Variants in QRSL1 observed in about 807,000 individuals in gnomAD.
The protein encoded by QRSL1 is glutamyl-tRNA(Gln) amidotransferase subunit A, mitochondrial.
QRSL1 carries 54 observed loss-of-function variants against 61.6 expected under a neutral mutation model. That is an observed-to-expected ratio of 0.88 (90% CI 0.70 to 1.10). QRSL1 has a LOEUF of 1.10. QRSL1 is among the 50% of genes least tolerant of loss of function. The probability of loss-of-function intolerance (pLI) is 0.00; values close to 1 mark genes in which losing one functional copy is unlikely to be tolerated. For missense variants in QRSL1, 505 were observed against 622.6 expected (o/e 0.81, Z 2.01); for synonymous variants, 228 against 225.7 (o/e 1.01, Z -0.09).
In QRSL1 at chr6:106,663,202, A is replaced by C. The variant is rs1777385415; in HGVS notation, c.1366+17A>C. The C allele has an allele frequency of 6.2e-7, 1 of 1,609,078 alleles. No individual in the cohort carries two copies. The highest frequency in any genetic ancestry group is 1.3e-5 in the African/African-American group (1 of 74,842). ...ATATGGCAGGTGAGGATTCCTCAGG[A>C]ACATTCTGATTTTCTTCAAATTCTT... On this transcript the variant is annotated intron_variant, in intron 10 of 10. Transcript: ENST00000369046.
At chr6:106,657,363 C>T (rs1357178692) in intron 9 of QRSL1, among the ~76,000 whole-genome samples, 1 of 151,682 alleles carries the variant, frequency 6.6e-6, no homozygotes, top group Non-Finnish European at 1.5e-5. Flanking sequence ...AGTAGGAAAA[C>T]AAAAGGAAAT....
intron 4 of QRSL1, among the ~76,000 whole-genome samples, chr6:106,644,511 GTTTGTTT>G (rs1345149243): frequency 6.6e-6 from 1 of 151,812 alleles, no homozygotes; most frequent in African/African-American, 2.4e-5. Context: ...TTGTTTGTTT[GTTTGTTT>G]TTTGTTTTTT....
At position 106,655,500 on chromosome 6, in the gene QRSL1, G is replaced by A. The variant is rs185015058; in HGVS notation, c.1043-115G>A. On this transcript the variant is annotated intron_variant, in intron 8 of 10. Coordinates refer to ENST00000369046, the MANE Select transcript of QRSL1 (RefSeq NM_018292.5). ...ACTGCACTCCAGCCTAGGTGACAGA[G>A]TGAGACTCCATCTCAAAAAAAAAAA... 213 of 617,358 alleles carry A rather than the reference G, an allele frequency of 3.5e-4. 1 individual carries two copies. The East Asian group carries it at 6.7e-3, about 19-fold the overall frequency. The allele number at this position is 617,358 out of a possible 1,614,324, so 38.2% of individuals were successfully genotyped here. A position where few individuals can be genotyped will look rare whatever the true frequency, so the allele number is the denominator to read the frequency against.
rs1445989933 is a variant in QRSL1, at chr6:106,667,363, C to A, written c.*1361C>A. On this transcript the variant is annotated 3_prime_UTR_variant, in exon 11 of 11. Coordinates refer to ENST00000369046, the MANE Select transcript of QRSL1 (RefSeq NM_018292.5). ...ATGGATATCTGTATTCAATATTTGA[C>A]AAAATCTAATGGAAACCATCCATTT... 1 of 152,122 alleles carries A rather than the reference C, an allele frequency of 6.6e-6. No homozygotes were observed. Among genetic ancestry groups the A allele is most frequent in the Non-Finnish European group, 1.5e-5 (1 of 68,038 alleles). The allele number at this position is 152,122 out of a possible 1,614,324, so 9.4% of individuals were successfully genotyped here.
At chr6:106,648,261 A>G (rs563278952) in intron 4 of QRSL1, among the ~76,000 whole-genome samples, 3 of 152,034 alleles carry the variant, frequency 2.0e-5, no homozygotes, top group African/African-American at 7.2e-5. Flanking sequence ...GCGCCACTGC[A>G]CTCCAGACTG....
At chr6:106,648,942 G>T in intron 4 of QRSL1, 83 bp from the exon 5 acceptor site, 2 of 1,421,706 alleles carry the variant, frequency 1.4e-6, no homozygotes, top group South Asian at 1.4e-5. Context: ...ATGAGTGTCA[G>T]AAGCAAATAA....
At chr6:106,636,239 C>A (rs1582405786) in intron 1 of QRSL1, among the ~76,000 whole-genome samples, 1 of 151,920 alleles carries the variant, frequency 6.6e-6, no homozygotes, top group Non-Finnish European at 1.5e-5. Context: ...AAGGGATACT[C>A]ACCCTGTAGT....
At chr6:106,632,405 G>A (rs1317074090) in intron 1 of QRSL1, among the ~76,000 whole-genome samples, 1 of 151,578 alleles carries the variant, frequency 6.6e-6, no homozygotes, top group Non-Finnish European at 1.5e-5. Context: ...TTTTAGAGAT[G>A]GGGTCTCACT....
intron 9 of QRSL1, among the ~76,000 whole-genome samples, 170 bp from the exon 10 acceptor site, chr6:106,662,810 A>G (rs987627705): frequency 1.3e-5 from 2 of 152,170 alleles, no homozygotes; most frequent in Non-Finnish European, 2.9e-5. Flanking sequence ...TATACGCCCC[A>G]CCACTGGGGA....
chr6:106,643,994 C>T (rs1366592737), intron 4 of QRSL1, among the ~76,000 whole-genome samples: 1 of 151,856 alleles, frequency 6.6e-6, no homozygotes, highest in Admixed American at 6.6e-5. Context: ...GACTCAGCCT[C>T]CCAAGTAGCT....
chr6:106,654,680 T>C (rs773929894), intron 7 of QRSL1, 50 bp from the exon 8 acceptor site: 2 of 1,476,986 alleles, frequency 1.4e-6, no homozygotes, highest in Admixed American at 4.5e-5. Context: ...CAAATTTTTA[T>C]AAAATAATCT....
chr6:106,647,603 C>T (rs1236730883), intron 4 of QRSL1, among the ~76,000 whole-genome samples: 1 of 147,660 alleles, frequency 6.8e-6, no homozygotes, highest in East Asian at 2.0e-4. Flanking sequence ...AATGGAAGAC[C>T]TGACTCTAGA....
intron 4 of QRSL1, among the ~76,000 whole-genome samples, chr6:106,644,739 C>CA (rs1355276029): frequency 6.6e-6 from 1 of 152,042 alleles, no homozygotes; most frequent in Non-Finnish European, 1.5e-5. Context: ...AGGCTGGTCT[C>CA]AAACTCCTGA....
chr6:106,649,024 G>T lies in QRSL1; in HGVS notation c.381-1G>T. On this transcript the variant is annotated splice_acceptor_variant, in intron 4 of 10. Transcript: ENST00000369046. LOFTEE classifies it high-confidence loss of function. ...GGTATCTTGCTTCACTTCGTCATCA[G>T]ATCTGGGAGCACAGATGGTGTATTT... 6.2e-7 allele frequency: 1 copy of T among 1,607,352 alleles called. No homozygotes were observed. Among genetic ancestry groups the T allele is most frequent in the Non-Finnish European group, 8.5e-7 (1 of 1,175,914 alleles).
intron 4 of QRSL1, among the ~76,000 whole-genome samples, chr6:106,647,886 G>A (rs1777135920): frequency 6.6e-6 from 1 of 150,612 alleles, no homozygotes; most frequent in Non-Finnish European, 1.5e-5. Flanking sequence ...TCCTGACCTC[G>A]TGTTCCGCCC....
rs370615285 is a variant in QRSL1 at position 106,640,777 on chromosome 6, T to C, written c.185-46T>C. ...AATAACATGTATTCATGTATCTTTA[T>C]ATTTTAAACTATCTCCTTTATCACT... On this transcript the variant is annotated intron_variant, in intron 2 of 10. Transcript: ENST00000369046. 3.3e-5 allele frequency: 49 copies of C among 1,478,170 alleles called. No individual in the cohort carries two copies. The African/African-American group carries it at 5.8e-4, about 18-fold the overall frequency. 91.6% of individuals were successfully genotyped at this position (1,478,170 alleles called of 1,614,324 possible). A position where few individuals can be genotyped will look rare whatever the true frequency, so the allele number is the denominator to read the frequency against.
intron 4 of QRSL1, among the ~76,000 whole-genome samples, chr6:106,643,630 A>G (rs1366565613): frequency 1.3e-5 from 2 of 151,298 alleles, no homozygotes; most frequent in African/African-American, 4.9e-5. Flanking sequence ...CAGTGAGCCG[A>G]GATCGCGCCA....
At chr6:106,649,465 A>T (rs1251074780) in intron 5 of QRSL1, among the ~76,000 whole-genome samples, 1 of 152,218 alleles carries the variant, frequency 6.6e-6, no homozygotes, top group African/African-American at 2.4e-5. Flanking sequence ...ATCTTGCAGA[A>T]TAAAGCATCG....
At chr6:106,649,234 C>G in intron 5 of QRSL1, 33 bp downstream of exon 5, 1 of 1,580,598 alleles carries the variant, frequency 6.3e-7, no homozygotes, top group Non-Finnish European at 8.6e-7. Context: ...TATTTTAAAA[C>G]CCACCCAAAT....
Sources: gnomAD v4.1 joint callset for allele counts (sites outside exome capture counted in the v4.1 genomes callset) on GRCh38, gnomAD v4.1.1 for gene constraint, MANE v1.5 for transcripts, NCBI Gene and HGNC (gene_info 2026-07-23, HGNC 2026-07-21) for gene names.